The following PLCXD3 variants were observed in gnomAD, a reference collection of about 807,000 sequenced individuals.
PLCXD3 encodes the protein phosphatidylinositol specific phospholipase C X domain containing 3, also known as PI-PLC X domain-containing protein 3.
PLCXD3 carries 19 observed loss-of-function variants against 25.5 expected under a neutral mutation model. That is an observed-to-expected ratio of 0.75 (90% CI 0.52 to 1.09). The LOEUF is 1.09. Among genes scored for constraint, PLCXD3 ranks in the 50% least tolerant of loss-of-function variants. The probability of loss-of-function intolerance (pLI) is 0.00; values close to 1 mark genes in which losing one functional copy is unlikely to be tolerated. For synonymous variants in PLCXD3, 174 were observed against 137.6 expected (o/e 1.26, Z -1.85); for missense variants, 411 against 388.1 (o/e 1.06, Z -0.50).
intron 1 of PLCXD3, among the ~76,000 whole-genome samples, chr5:41,452,929 G>T (rs755861743): frequency 6.6e-6 from 1 of 151,830 alleles, no homozygotes; most frequent in African/African-American, 2.4e-5. Flanking sequence ...ACAATGTGAT[G>T]TTTTAAAATA....
In PLCXD3 at chr5:41,307,515, A is replaced by G. The variant is rs939432207; in HGVS notation, c.*6102T>C. The G allele has an allele frequency of 5.9e-5, 9 of 152,166 alleles. No individual in the cohort carries two copies. The highest frequency in any genetic ancestry group is 2.2e-4 in the African/African-American group (9 of 41,410). 9.4% of individuals were successfully genotyped at this position (152,166 alleles called of 1,614,324 possible). On this transcript the variant is annotated 3_prime_UTR_variant, in exon 3 of 3. Transcript: ENST00000377801. ...TGGGTTTTCAATTCCAAAAAAAAAT[A>G]GTACTGGTCGTTATAATTTGCTTTG... is the stretch of plus-strand genomic sequence containing the variant.
chr5:41,416,247 G>T (rs1290776035), intron 1 of PLCXD3, among the ~76,000 whole-genome samples: 1 of 151,256 alleles, frequency 6.6e-6, no homozygotes, highest in East Asian at 2.0e-4. Flanking sequence ...AGGGTGAGGA[G>T]ATCTAGAAGG....
intron 2 of PLCXD3, among the ~76,000 whole-genome samples, chr5:41,379,863 T>C (rs910431397): frequency 1.3e-5 from 2 of 152,012 alleles, no homozygotes; most frequent in Non-Finnish European, 2.9e-5. Context: ...GGACCTACCA[T>C]ACAAATATAA....
intron 2 of PLCXD3, among the ~76,000 whole-genome samples, chr5:41,338,889 G>A (rs555186720): frequency 1.3e-5 from 2 of 152,112 alleles, no homozygotes; most frequent in South Asian, 2.1e-4. Context: ...AGGGGTAACC[G>A]GAAAATAATG....
intron 1 of PLCXD3, among the ~76,000 whole-genome samples, chr5:41,417,292 C>T (rs1746716540): frequency 6.6e-6 from 1 of 152,098 alleles, no homozygotes; most frequent in South Asian, 2.1e-4. Context: ...GTCTACATTA[C>T]AAAGAGAGTT....
chr5:41,376,453 T>A (rs564164523), intron 2 of PLCXD3, among the ~76,000 whole-genome samples: 2 of 152,180 alleles, frequency 1.3e-5, no homozygotes, highest in East Asian at 3.9e-4. Context: ...TCCTAATATA[T>A]GCCTAATTCA....
At chr5:41,332,239 A>T (rs1264017819) in intron 2 of PLCXD3, among the ~76,000 whole-genome samples, 1 of 152,110 alleles carries the variant, frequency 6.6e-6, no homozygotes, top group Non-Finnish European at 1.5e-5. Flanking sequence ...ACTCCAACAA[A>T]TTTACAAGAA....
In PLCXD3 at chr5:41,308,393, C is replaced by T. The variant is rs918751295; in HGVS notation, c.*5224G>A. ...ATATCCTGTATTTTACCTGGCAACT[C>T]TAAATATTGAAAAGGAATAACTAAG... On this transcript the variant is annotated 3_prime_UTR_variant, in exon 3 of 3. Transcript: ENST00000377801. 6.6e-6 allele frequency: 1 copy of T among 151,960 alleles called. No homozygotes were observed. The highest frequency in any genetic ancestry group is 1.5e-5 in the Non-Finnish European group (1 of 67,992). The allele number at this position is 151,960 out of a possible 1,614,324, so 9.4% of individuals were successfully genotyped here.
intron 1 of PLCXD3, among the ~76,000 whole-genome samples, chr5:41,506,569 C>T (rs1580407996): frequency 6.6e-6 from 1 of 152,154 alleles, no homozygotes; most frequent in Non-Finnish European, 1.5e-5. Context: ...TAGACATTGA[C>T]TCCTTCCAAG....
intron 2 of PLCXD3, among the ~76,000 whole-genome samples, chr5:41,315,879 T>A (rs573741322): frequency 4.6e-5 from 7 of 152,162 alleles, no homozygotes; most frequent in Non-Finnish European, 1.0e-4. Context: ...AGAGAGGGAA[T>A]CACAGATCCC....
chr5:41,407,195 A>G (rs180949461), intron 1 of PLCXD3, among the ~76,000 whole-genome samples: 2 of 152,176 alleles, frequency 1.3e-5, no homozygotes, highest in African/African-American at 4.8e-5. Flanking sequence ...ACTTCAGTAC[A>G]TGGTCCTCTA....
chr5:41,463,053 A>T (rs1747931269), intron 1 of PLCXD3, among the ~76,000 whole-genome samples: 1 of 150,978 alleles, frequency 6.6e-6, no homozygotes, highest in African/African-American at 2.5e-5. Context: ...AAATGAATGA[A>T]AAGTAAGAAA....
chr5:41,494,340 G>A (rs560269128), intron 1 of PLCXD3, among the ~76,000 whole-genome samples: 21 of 152,318 alleles, frequency 1.4e-4, no homozygotes, highest in African/African-American at 4.6e-4. Flanking sequence ...CTGGTTTGAA[G>A]AACAGTAGAA....
At chr5:41,474,766 A>G (rs1748243087) in intron 1 of PLCXD3, among the ~76,000 whole-genome samples, 1 of 152,200 alleles carries the variant, frequency 6.6e-6, no homozygotes, top group Non-Finnish European at 1.5e-5. Flanking sequence ...ATCAAAATCA[A>G]CAACTCCTGG....
At chr5:41,359,005 T>C (rs1744696934) in intron 2 of PLCXD3, among the ~76,000 whole-genome samples, 1 of 152,198 alleles carries the variant, frequency 6.6e-6, no homozygotes, top group Non-Finnish European at 1.5e-5. Context: ...ATTCTTTTTA[T>C]GTGGCGTATC....
rs1285892548 is a variant in PLCXD3, at chr5:41,382,469, T to C, written c.169A>G (p.Thr57Ala). 6.2e-7 allele frequency: 1 copy of C among 1,611,952 alleles called. No individual in the cohort carries two copies. Among genetic ancestry groups the C allele is most frequent in the Non-Finnish European group, 8.5e-7 (1 of 1,179,628 alleles). The change falls in exon 2 of 3, where the codon ACT becomes GCT. Residue 57 changes from threonine to alanine, a missense_variant. Physicochemically the swap from Thr to Ala is moderately conservative, Grantham distance 58 (BLOSUM62 0). Coordinates refer to ENST00000377801, the MANE Select transcript of PLCXD3 (RefSeq NM_001005473.3). ...ASPVGPEQPETVQNFVSVFGT... is the reference protein window; with the variant it reads ...ASPVGPEQPEAVQNFVSVFGT... ...AACACAGAGACAAAATTCTGGACAG[T>C]TTCTGGCTGCTCAGGACCTACTGGA...
Position 41,310,362 on chromosome 5 carries a change from G to C in PLCXD3, c.*3255C>G, listed in dbSNP as rs1043466550. ...TCCTTTGATTTCCTGCTGTAGATTG[G>C]GTAAAAGTTAGATTGTATTTGTTTG... On this transcript the variant is annotated 3_prime_UTR_variant, in exon 3 of 3. Transcript: ENST00000377801. The C allele has an allele frequency of 4.6e-5, 7 of 151,994 alleles. No homozygotes were observed. 9.4% of individuals were successfully genotyped at this position (151,994 alleles called of 1,614,324 possible). A position where few individuals can be genotyped will look rare whatever the true frequency, so the allele number is the denominator to read the frequency against.
chr5:41,339,350 G>T (rs1228289530), intron 2 of PLCXD3, among the ~76,000 whole-genome samples: 1 of 152,080 alleles, frequency 6.6e-6, no homozygotes, highest in Non-Finnish European at 1.5e-5. Context: ...GCTCCAGCTG[G>T]TAGTATCAAT....
At chr5:41,374,399 T>C (rs758177292) in intron 2 of PLCXD3, among the ~76,000 whole-genome samples, 8 of 152,148 alleles carry the variant, frequency 5.3e-5, no homozygotes, top group Admixed American at 6.6e-5. Context: ...CCCTTTCTAG[T>C]GTTTCAAAAA....
Sources: gnomAD v4.1 joint callset for allele counts (sites outside exome capture counted in the v4.1 genomes callset) on GRCh38, gnomAD v4.1.1 for gene constraint, MANE v1.5 for transcripts, NCBI Gene and HGNC (gene_info 2026-07-23, HGNC 2026-07-21) for gene names.